Variants in ICA1 observed in about 807,000 individuals in gnomAD.
ICA1 encodes the protein 69 kDa islet cell autoantigen.
A neutral mutation model predicts 71.0 loss-of-function variants in ICA1; 40 were observed. That is an observed-to-expected ratio of 0.56 (90% CI 0.44 to 0.73). The LOEUF is 0.73. Among genes scored for constraint, ICA1 ranks in the 30% least tolerant of loss-of-function variants. The pLI, the probability that ICA1 is intolerant of heterozygous loss-of-function variation, is 0.00. For synonymous variants in ICA1, 207 were observed against 209.5 expected (o/e 0.99, Z 0.10); for missense variants, 578 against 576.5 (o/e 1.00, Z -0.03).
intron 6 of ICA1, among the ~76,000 whole-genome samples, chr7:8,172,585 A>G (rs183485379): frequency 1.3e-3 from 203 of 152,308 alleles, no homozygotes; most frequent in African/African-American, 4.7e-3. Context: ...CTTACAAAAT[A>G]TAACAAGAAT....
chr7:8,167,748 A>T (rs1806622962), intron 6 of ICA1, among the ~76,000 whole-genome samples: 1 of 152,182 alleles, frequency 6.6e-6, no homozygotes. Context: ...TGACTAGACC[A>T]GGGATGGACA....
In ICA1 at chr7:8,184,521, G is replaced by T. The variant is rs371634155; in HGVS notation, c.580-25869C>A. On this transcript the variant is annotated intron_variant, in intron 6 of 13. Transcript: ENST00000402384. ...AGGGGAGGAAATTTGCTCTAACCAT[G>T]CTCCTCAGGGAATATATCACAATAT... 8.5e-5 allele frequency among the ~76,000 whole-genome samples: 13 copies of T among 152,288 alleles called. No individual in the cohort carries two copies. In the East Asian group the frequency reaches 1.9e-3, roughly 23 times the overall value.
intron 6 of ICA1, among the ~76,000 whole-genome samples, chr7:8,214,644 C>G (rs1794829577): frequency 6.6e-6 from 1 of 152,228 alleles, no homozygotes; most frequent in South Asian, 2.1e-4. Flanking sequence ...TGTATTTCCA[C>G]CCCCGACACA....
At chr7:8,186,614 C>A (rs1329439352) in intron 6 of ICA1, among the ~76,000 whole-genome samples, 1 of 151,942 alleles carries the variant, frequency 6.6e-6, no homozygotes, top group Non-Finnish European at 1.5e-5. Context: ...ATTTTGAAAC[C>A]AAATAAATGG....
intron 6 of ICA1, among the ~76,000 whole-genome samples, chr7:8,159,555 A>G (rs1802938002): frequency 6.6e-6 from 1 of 152,024 alleles, no homozygotes; most frequent in East Asian, 1.9e-4. Context: ...CTACAACAAC[A>G]AAGGTGTGGG....
In ICA1 at chr7:8,193,170, G is replaced by C. The variant is rs143742870; in HGVS notation, c.579+25135C>G. Reference sequence around the variant, plus strand: ...TAAACAAATGTGTGCATATCCACAAGTACTCTCAGACACAACACACATACA... The same window carrying C: ...TAAACAAATGTGTGCATATCCACAACTACTCTCAGACACAACACACATACA... On this transcript the variant is annotated intron_variant, in intron 6 of 13. Coordinates refer to ENST00000402384, the MANE Select transcript of ICA1 (RefSeq NM_001136020.3). Among the ~76,000 whole-genome samples the C allele has an allele frequency of 8.5e-5, 13 of 152,254 alleles. No individual in the cohort carries two copies. In the East Asian group the frequency reaches 2.5e-3, roughly 29 times the overall value.
intron 1 of ICA1, among the ~76,000 whole-genome samples, chr7:8,250,946 G>A (rs1378879715): frequency 2.0e-5 from 3 of 147,446 alleles, no homozygotes; most frequent in Non-Finnish European, 4.4e-5. Context: ...AGTTGCCCAG[G>A]CTGGAGTGCA....
At chr7:8,246,478 T>G (rs1806070682) in intron 1 of ICA1, among the ~76,000 whole-genome samples, 1 of 152,200 alleles carries the variant, frequency 6.6e-6, no homozygotes, top group African/African-American at 2.4e-5. Context: ...GAGGTGGAAC[T>G]GCTGCTGAGG....
chr7:8,218,751 T>C, intron 5 of ICA1: 2 of 519,494 alleles, frequency 3.8e-6, no homozygotes, highest in South Asian at 2.0e-5. Flanking sequence ...AGCACCTCCA[T>C]CCGCGTTGTT....
chr7:8,253,051 C>A (rs939387361), intron 1 of ICA1, among the ~76,000 whole-genome samples: 1 of 152,112 alleles, frequency 6.6e-6, no homozygotes, highest in Admixed American at 6.6e-5. Context: ...AAATATTTTA[C>A]TACTAGAATG....
intron 6 of ICA1, among the ~76,000 whole-genome samples, chr7:8,193,540 T>G (rs1420559910): frequency 1.3e-5 from 2 of 152,188 alleles, no homozygotes; most frequent in East Asian, 3.9e-4. Context: ...AGGAATGACA[T>G]TAAATCAAAG....
intron 8 of ICA1, among the ~76,000 whole-genome samples, chr7:8,155,459 T>C (rs11560239): frequency 0.049 from 7,390 of 152,308 alleles, 273 homozygotes; most frequent in East Asian, 0.21. Flanking sequence ...GGGATACACA[T>C]GTGGGTTCTT....
chr7:8,253,862 A>G (rs1261991704), intron 1 of ICA1, among the ~76,000 whole-genome samples: 2 of 152,172 alleles, frequency 1.3e-5, no homozygotes, highest in African/African-American at 4.8e-5. Context: ...ATGGTTAATA[A>G]TAACAGTGTG....
chr7:8,122,917 A>T (rs1320116214), intron 13 of ICA1, among the ~76,000 whole-genome samples: 2 of 152,200 alleles, frequency 1.3e-5, no homozygotes, highest in South Asian at 2.1e-4. Context: ...TCTTTCTAGT[A>T]TCAGTGTCTA....
intron 8 of ICA1, among the ~76,000 whole-genome samples, chr7:8,147,865 C>G (rs1037191269): frequency 7.2e-5 from 11 of 152,114 alleles, no homozygotes; most frequent in African/African-American, 2.4e-4. Context: ...GATTTCCTGG[C>G]TCGGGGCCAC....
intron 6 of ICA1, among the ~76,000 whole-genome samples, chr7:8,160,394 G>C (rs571360017): frequency 3.2e-4 from 49 of 152,226 alleles, no homozygotes; most frequent in African/African-American, 1.1e-3. Flanking sequence ...TTACTGATGA[G>C]GATTGCGAGG....
intron 4 of ICA1, among the ~76,000 whole-genome samples, chr7:8,225,575 G>A (rs1280996795): frequency 5.3e-5 from 8 of 152,210 alleles, no homozygotes; most frequent in Non-Finnish European, 8.8e-5. Context: ...GGTGCCAGAT[G>A]TACTCACTGC....
rs1797747637 is a variant in ICA1 at position 8,223,661 on chromosome 7, T to G, written c.257-2263A>C. 1 of 152,904 alleles carries G rather than the reference T, an allele frequency of 6.5e-6. No individual in the cohort carries two copies. The highest frequency in any genetic ancestry group is 2.4e-5 in the African/African-American group (1 of 41,466). The allele number at this position is 152,904 out of a possible 1,614,324, so 9.5% of individuals were successfully genotyped here. A position where few individuals can be genotyped will look rare whatever the true frequency, so the allele number is the denominator to read the frequency against. ...ACGCAAAAGGGCTGAGTGTGGTGGT[T>G]CACACCTGCAGTCCCAGCACTTTTG... On this transcript the variant is annotated intron_variant, in intron 4 of 13. Coordinates refer to ENST00000402384, the MANE Select transcript of ICA1 (RefSeq NM_001136020.3). This position sits in a 1 kb window ranked among gnomAD's most constrained non-coding sequence, Gnocchi z 4.1.
chr7:8,166,171 G>T (rs983579090), intron 6 of ICA1, among the ~76,000 whole-genome samples: 4 of 152,044 alleles, frequency 2.6e-5, no homozygotes, highest in African/African-American at 7.2e-5. Flanking sequence ...TTAATTACCA[G>T]TAAAACGTAA....
Sources: allele counts gnomAD v4.1 joint callset (sites outside exome capture counted in the v4.1 genomes callset), GRCh38; gene constraint gnomAD v4.1.1; non-coding constraint Gnocchi (gnomAD v3.1); transcripts MANE v1.5; gene names NCBI Gene and HGNC (gene_info 2026-07-23, HGNC 2026-07-21).